The following SLC35D1 variants were observed in gnomAD, a reference collection of about 807,000 sequenced individuals.
SLC35D1 encodes the protein solute carrier family 35 member D1, also known as nucleotide sugar transporter SLC35D1.
SLC35D1 carries 31 observed loss-of-function variants against 46.7 expected under a neutral mutation model. That is an observed-to-expected ratio of 0.66 (90% confidence interval 0.50 to 0.90). SLC35D1 has a LOEUF of 0.90. Among genes scored for constraint, SLC35D1 ranks in the 40% least tolerant of loss-of-function variants. The pLI is 0.00. For missense variants in SLC35D1, 397 were observed against 426.2 expected, an observed-to-expected ratio of 0.93 and a Z score of 0.60; for synonymous variants, 195 against 164.6, an observed-to-expected ratio of 1.18 and a Z score of -1.41.
the SLC35D1 span, chr1:66,985,488 T>C: frequency 1.0e-6 from 1 of 983,462 alleles, no homozygotes; most frequent in Non-Finnish European, 1.2e-6. Flanking sequence ...TTTGTATATG[T>C]AAAATTGTTG....
chr1:67,006,271 T>C (rs187232627), intron 11 of SLC35D1, among the ~76,000 whole-genome samples: 420 of 152,330 alleles, frequency 2.8e-3, no homozygotes, highest in Non-Finnish European at 4.1e-3. Context: ...CTGGTTTTTC[T>C]AGTCCCTCAA....
intron 10 of SLC35D1, among the ~76,000 whole-genome samples, chr1:67,011,088 C>G (rs1378478258): frequency 1.3e-5 from 2 of 152,142 alleles, no homozygotes; most frequent in African/African-American, 4.8e-5. Context: ...CTCTTCTCTC[C>G]CTCCCATAAC....
At chr1:66,979,093 GGTT>G in the SLC35D1 span, among the ~76,000 whole-genome samples, 2 of 151,632 alleles carry the variant, frequency 1.3e-5, no homozygotes, top group African/African-American at 4.9e-5. Context: ...AGCCCCACTG[GGTT>G]GTTTTTTTTT....
intron 8 of SLC35D1, among the ~76,000 whole-genome samples, chr1:67,035,503 A>G (rs554908453): frequency 6.6e-6 from 1 of 152,192 alleles, no homozygotes; most frequent in East Asian, 1.9e-4. Flanking sequence ...GTAGCCAATA[A>G]TGATCTTTTG....
chr1:67,012,511 C>A (rs1667586331), intron 10 of SLC35D1, among the ~76,000 whole-genome samples: 1 of 97,538 alleles, frequency 1.0e-5, no homozygotes, highest in Non-Finnish European at 2.0e-5. Context: ...ATTCAACAGC[C>A]AAAAGATGGA....
intron 8 of SLC35D1, among the ~76,000 whole-genome samples, chr1:67,038,524 G>A (rs530431758): frequency 2.6e-4 from 38 of 146,962 alleles, no homozygotes; most frequent in African/African-American, 8.9e-4. Flanking sequence ...TCCAACTCCT[G>A]TGACTGAATC....
chr1:66,981,767 A>T, the SLC35D1 span: 9 of 1,575,238 alleles, frequency 5.7e-6, no homozygotes, highest in Admixed American at 1.3e-4. Context: ...AAATTGTTTT[A>T]TTAATTTTAA....
chr1:66,986,285 G>A, the SLC35D1 span: 88 of 1,460,448 alleles, frequency 6.0e-5, no homozygotes, highest in Non-Finnish European at 7.4e-5. Flanking sequence ...CCTTGTAAAA[G>A]TGCCATTTTA....
chr1:67,012,490 C>T (rs1451498372), intron 10 of SLC35D1, among the ~76,000 whole-genome samples: 3 of 136,506 alleles, frequency 2.2e-5, no homozygotes, highest in Non-Finnish European at 4.6e-5. Flanking sequence ...AAAATAAGTA[C>T]ACCATTAAAA....
At chr1:67,051,703 C>T (rs958831638) in intron 4 of SLC35D1, among the ~76,000 whole-genome samples, 14 of 152,146 alleles carry the variant, frequency 9.2e-5, no homozygotes, top group Admixed American at 4.6e-4. Context: ...TATATATCTT[C>T]ACTATTGTGG....
chr1:67,042,467 G>A (rs1161772468), intron 7 of SLC35D1, 139 bp from the exon 8 acceptor site: 4 of 801,718 alleles, frequency 5.0e-6, no homozygotes, highest in Non-Finnish European at 8.6e-6. Flanking sequence ...AATGAATTAA[G>A]TTAGAAGTTT....
At chr1:66,991,012 C>G in the SLC35D1 span, among the ~76,000 whole-genome samples, 1 of 152,186 alleles carries the variant, frequency 6.6e-6, no homozygotes. Flanking sequence ...GGGCCTAACT[C>G]TGGCTACTCT....
the SLC35D1 span, among the ~76,000 whole-genome samples, chr1:66,978,342 C>T: frequency 6.6e-6 from 1 of 152,118 alleles, no homozygotes; most frequent in African/African-American, 2.4e-5. Flanking sequence ...CTAAAGCCCA[C>T]AGTAAAACAA....
chr1:67,020,329 T>C (rs1421051794), intron 10 of SLC35D1, 40 bp downstream of exon 10: 2 of 1,311,028 alleles, frequency 1.5e-6, no homozygotes, highest in Non-Finnish European at 2.2e-6. Flanking sequence ...AATTTTCAAA[T>C]AATGCAGGTA....
chr1:67,031,077 C>T (rs1471150558), intron 8 of SLC35D1, among the ~76,000 whole-genome samples: 2 of 152,194 alleles, frequency 1.3e-5, no homozygotes, highest in Non-Finnish European at 2.9e-5. Context: ...CAAATATATA[C>T]TGCACAGTCT....
intron 1 of SLC35D1, 141 bp from the exon 2 acceptor site, chr1:67,053,130 T>C: frequency 1.9e-6 from 2 of 1,036,428 alleles, no homozygotes; most frequent in Non-Finnish European, 2.9e-6. Flanking sequence ...ACAAAAATCT[T>C]GGGAGAAAAC....
In SLC35D1 at chr1:67,049,066, A is replaced by AGG. The variant is rs1645281309; in HGVS notation, c.533+714_533+715dup. ...TCCCAGCACTTTGGGAGGCCAAGGC[A>AGG]GGCGGATCACGAGGTCAGGAGATCG... On this transcript the variant is annotated intron_variant, in intron 6 of 11. Coordinates refer to ENST00000235345, the MANE Select transcript of SLC35D1 (RefSeq NM_015139.3). Among the ~76,000 whole-genome samples, 4 of 152,194 alleles carry AGG rather than the reference A, an allele frequency of 2.6e-5. No individual in the cohort carries two copies. The South Asian group carries it at 8.3e-4, about 31-fold the overall frequency.
At chr1:67,043,965 C>T (rs754450398) in intron 7 of SLC35D1, among the ~76,000 whole-genome samples, 1 of 152,172 alleles carries the variant, frequency 6.6e-6, no homozygotes, top group African/African-American at 2.4e-5. Flanking sequence ...TGAAAGATTA[C>T]TGACTGATGA....
intron 8 of SLC35D1, among the ~76,000 whole-genome samples, chr1:67,023,331 A>G (rs909609816): frequency 7.2e-5 from 11 of 152,276 alleles, no homozygotes; most frequent in Non-Finnish European, 1.5e-4. Flanking sequence ...ATTCTCACCA[A>G]CACTTGGAAC....
Sources: gnomAD v4.1 joint callset for allele counts (sites outside exome capture counted in the v4.1 genomes callset) on GRCh38, gnomAD v4.1.1 for gene constraint, MANE v1.5 for transcripts, NCBI Gene and HGNC (gene_info 2026-07-23, HGNC 2026-07-21) for gene names.